The following PAG1 variants were observed in gnomAD, a reference collection of about 807,000 sequenced individuals.
PAG1 encodes phosphoprotein membrane anchor with glycosphingolipid microdomains 1, also known as phosphoprotein associated with glycosphingolipid-enriched microdomains 1.
In PAG1, 23 loss-of-function variants were observed where a neutral mutation model predicts 31.7. The ratio of observed to expected loss-of-function variants is 0.73; its 90% CI spans 0.52 to 1.03. PAG1 has a LOEUF of 1.03. Among genes scored for constraint, PAG1 ranks in the 50% least tolerant of loss-of-function variants. PAG1 has a pLI of 0.00. For missense variants in PAG1, 473 were observed against 540.7 expected, an observed-to-expected ratio of 0.87 and a Z score of 1.24; for synonymous variants, 214 against 210.3, an observed-to-expected ratio of 1.02 and a Z score of -0.15.
intron 1 of PAG1, among the ~76,000 whole-genome samples, chr8:81,088,005 T>C (rs61600644): frequency 0.011 from 1,688 of 152,220 alleles, 21 homozygotes; most frequent in African/African-American, 0.039. Context: ...AGAACCAACA[T>C]TTACTCTAAT....
intron 3 of PAG1, among the ~76,000 whole-genome samples, chr8:80,999,995 C>A (rs115126838): frequency 1.3e-5 from 2 of 152,000 alleles, no homozygotes; most frequent in Non-Finnish European, 2.9e-5. Context: ...CCCTGAGATG[C>A]GCTTCTATTT....
intron 1 of PAG1, among the ~76,000 whole-genome samples, chr8:81,107,465 G>A (rs898679177): frequency 1.3e-5 from 2 of 152,086 alleles, no homozygotes; most frequent in Middle Eastern, 3.2e-3. Context: ...TAAGTATCAC[G>A]GGCCTCCTTG....
chr8:81,063,571 C>T (rs1460159259), intron 2 of PAG1, among the ~76,000 whole-genome samples: 1 of 151,984 alleles, frequency 6.6e-6, no homozygotes, highest in African/African-American at 2.4e-5. Context: ...TGTGGTTGAT[C>T]CTAGAAATCC....
At chr8:81,102,886 C>T (rs1262478838) in intron 1 of PAG1, among the ~76,000 whole-genome samples, 5 of 152,146 alleles carry the variant, frequency 3.3e-5, no homozygotes, top group Middle Eastern at 3.4e-3. Context: ...CTGGAGAATT[C>T]AAAAATATTA....
At position 80,975,352 on chromosome 8, in the gene PAG1, A is replaced by G. The variant is rs1430339107; in HGVS notation, c.*1192T>C. ...ACAGCTCCTTGTAGTGATCTAGCTTATGTGCTTTATGGTATCTTTTCAAAA... is the reference window on the plus strand; with the variant it reads ...ACAGCTCCTTGTAGTGATCTAGCTTGTGTGCTTTATGGTATCTTTTCAAAA... On this transcript the variant is annotated 3_prime_UTR_variant, in exon 9 of 9. Coordinates refer to ENST00000220597, the MANE Select transcript of PAG1 (RefSeq NM_018440.4). The G allele has an allele frequency of 6.6e-6, 1 of 152,228 alleles. No individual in the cohort carries two copies. The highest frequency in any genetic ancestry group is 1.5e-5 in the Non-Finnish European group (1 of 68,028). 9.4% of individuals were successfully genotyped at this position (152,228 alleles called of 1,614,324 possible).
At chr8:81,084,660 T>C (rs1213228005) in intron 1 of PAG1, among the ~76,000 whole-genome samples, 2 of 152,204 alleles carry the variant, frequency 1.3e-5, no homozygotes, top group Non-Finnish European at 1.5e-5. Context: ...TCCTAAGCTG[T>C]CTATAAGAAG....
intron 1 of PAG1, among the ~76,000 whole-genome samples, chr8:81,091,283 T>C (rs1809442299): frequency 6.6e-6 from 1 of 152,108 alleles, no homozygotes; most frequent in South Asian, 2.1e-4. Context: ...CGAATTAGAG[T>C]TTCATATAGC....
intron 2 of PAG1, among the ~76,000 whole-genome samples, chr8:81,068,861 T>C (rs533381473): frequency 1.3e-5 from 2 of 152,268 alleles, no homozygotes; most frequent in Admixed American, 1.3e-4. Context: ...TATTCTAAAG[T>C]ATATAGATTC....
Position 80,985,279 on chromosome 8 carries a change from G to C in PAG1, c.373C>G (p.Pro125Ala). 6.2e-7 allele frequency: 1 copy of C among 1,614,112 alleles called. No homozygotes were observed. ...LLDSQDSTGK[P>A]KCHQSRELPR... ...AGCTCCCGACTCTGATGACATTTTGGTTTCCCTGTGCTGTCCTGGGAATCC... is the reference window on the plus strand; with the variant it reads ...AGCTCCCGACTCTGATGACATTTTGCTTTCCCTGTGCTGTCCTGGGAATCC... The change falls in exon 7 of 9, where the codon CCA becomes GCA. Residue 125 changes from proline to alanine, a missense_variant. Pro to Ala is a conservative substitution (Grantham distance 27, BLOSUM62 -1). Transcript: ENST00000220597.
At chr8:81,098,047 T>C (rs1809555188) in intron 1 of PAG1, among the ~76,000 whole-genome samples, 1 of 152,224 alleles carries the variant, frequency 6.6e-6, no homozygotes, top group African/African-American at 2.4e-5. Context: ...AGAGTATGCA[T>C]TTTATTTGTA....
At chr8:81,107,032 G>T (rs1421191195) in intron 1 of PAG1, among the ~76,000 whole-genome samples, 2 of 152,074 alleles carry the variant, frequency 1.3e-5, no homozygotes, top group South Asian at 4.2e-4. Flanking sequence ...GAAAATGTCA[G>T]GTCTCCACAC....
At chr8:80,981,833 G>A (rs1330189457) in intron 7 of PAG1, among the ~76,000 whole-genome samples, 2 of 145,894 alleles carry the variant, frequency 1.4e-5, no homozygotes, top group Non-Finnish European at 3.0e-5. Flanking sequence ...GTCCTACTCC[G>A]AAATTCTACC....
chr8:81,018,888 G>T (rs1360636941), intron 3 of PAG1, among the ~76,000 whole-genome samples: 1 of 152,216 alleles, frequency 6.6e-6, no homozygotes, highest in Non-Finnish European at 1.5e-5. Context: ...TGGGTAACAG[G>T]CAGAGGTCGG....
At chr8:81,059,210 A>G (rs1808877764) in intron 2 of PAG1, among the ~76,000 whole-genome samples, 1 of 152,158 alleles carries the variant, frequency 6.6e-6, no homozygotes, top group African/African-American at 2.4e-5. Context: ...TAGTTGATAT[A>G]CTGCATTGTT....
At chr8:81,059,189 T>C (rs1357173323) in intron 2 of PAG1, among the ~76,000 whole-genome samples, 2 of 152,112 alleles carry the variant, frequency 1.3e-5, no homozygotes, top group Admixed American at 6.6e-5. Flanking sequence ...ACATTGTAAA[T>C]GCTATGTAAG....
intron 1 of PAG1, among the ~76,000 whole-genome samples, chr8:81,075,817 G>A (rs1352618053): frequency 6.6e-6 from 1 of 152,166 alleles, no homozygotes. Context: ...GCATCTCTGA[G>A]CATACACATA....
chr8:81,041,878 T>C (rs1808559679), intron 2 of PAG1, among the ~76,000 whole-genome samples: 1 of 152,140 alleles, frequency 6.6e-6, no homozygotes, highest in Admixed American at 6.5e-5. Context: ...CACCATAATA[T>C]CCACAAGTAG....
In PAG1 at chr8:80,975,269, A is replaced by G. The variant is rs559470968; in HGVS notation, c.*1275T>C. 3 of 152,368 alleles carry G rather than the reference A, an allele frequency of 2.0e-5. No homozygotes were observed. The South Asian group carries it at 6.2e-4, about 32-fold the overall frequency. The allele number at this position is 152,368 out of a possible 1,614,324, so 9.4% of individuals were successfully genotyped here. A position where few individuals can be genotyped will look rare whatever the true frequency, so the allele number is the denominator to read the frequency against. On this transcript the variant is annotated 3_prime_UTR_variant, in exon 9 of 9. Transcript: ENST00000220597. Reference sequence around the variant, plus strand: ...GAATCAGGAGCTCCAAGTACCATTTAAAAAGGTGAGTCTTTAAAAACCATC... The same window carrying G: ...GAATCAGGAGCTCCAAGTACCATTTGAAAAGGTGAGTCTTTAAAAACCATC...
Position 80,980,437 on chromosome 8 carries a change from C to G in PAG1, c.934G>C (p.Glu312Gln), listed in dbSNP as rs535456327. 1 of 1,581,568 alleles carries G rather than the reference C, an allele frequency of 6.3e-7. No individual in the cohort carries two copies. The highest frequency in any genetic ancestry group is 1.3e-5 in the African/African-American group (1 of 74,440). Residue 312 changes from glutamate to glutamine, a missense_variant and splice_region_variant, in exon 8 of 9, where the codon GAG (glutamate) becomes CAG (glutamine). Coordinates refer to ENST00000220597, the MANE Select transcript of PAG1 (RefSeq NM_018440.4). ...REEDPTLTEE[E>Q]ISAMYSSVNK... ...TTTTAAAAAGAAACAAAACTTACCT[C>G]TTCTTCTGTGAGAGTGGGGTCTTCT...
Sources: gnomAD v4.1 joint callset for allele counts (sites outside exome capture counted in the v4.1 genomes callset) on GRCh38, gnomAD v4.1.1 for gene constraint, MANE v1.5 for transcripts, NCBI Gene and HGNC (gene_info 2026-07-23, HGNC 2026-07-21) for gene names.